Variants in MAPK8 observed in about 807,000 individuals in gnomAD.
MAPK8 encodes the protein JUN N-terminal kinase.
In MAPK8, 13 loss-of-function variants were observed where a neutral mutation model predicts 52.9. The ratio of observed to expected loss-of-function variants is 0.25; its 90% CI spans 0.16 to 0.39. The LOEUF (loss-of-function observed/expected upper bound fraction) is 0.39, where lower values mean the gene tolerates loss of function less well. Among genes scored for constraint, MAPK8 ranks in the 10% least tolerant of loss-of-function variants. MAPK8 has a pLI of 1.00. For missense variants in MAPK8, 300 were observed against 519.2 expected, an observed-to-expected ratio of 0.58 and a Z score of 4.10; for synonymous variants, 191 against 169.8, an observed-to-expected ratio of 1.12 and a Z score of -0.97.
intron 11 of MAPK8, among the ~76,000 whole-genome samples, chr10:48,434,264 G>A (rs887463102): frequency 1.3e-5 from 2 of 152,198 alleles, no homozygotes; most frequent in African/African-American, 4.8e-5. Flanking sequence ...TAGGCCACTT[G>A]AGTGACAGTG....
chr10:48,401,951 G>C (rs187684142), intron 2 of MAPK8, among the ~76,000 whole-genome samples, 169 bp downstream of exon 2: 2 of 152,202 alleles, frequency 1.3e-5, no homozygotes, highest in East Asian at 3.9e-4. Context: ...AGGATCAATG[G>C]TCTTTTCTTT....
chr10:48,397,613 CAG>C (rs1172325078), intron 1 of MAPK8, among the ~76,000 whole-genome samples: 2 of 151,942 alleles, frequency 1.3e-5, no homozygotes, highest in East Asian at 1.9e-4. Flanking sequence ...TTTTTTGAGA[CAG>C]AGTCTCATTC....
At chr10:48,426,972 T>C in intron 9 of MAPK8, 108 bp from the exon 10 acceptor site, 1 of 757,286 alleles carries the variant, frequency 1.3e-6, no homozygotes, top group Non-Finnish European at 2.3e-6. Flanking sequence ...AGTCTTGATC[T>C]AATGATATAT....
At chr10:48,401,268 G>A (rs2042145320) in intron 1 of MAPK8, among the ~76,000 whole-genome samples, 1 of 152,042 alleles carries the variant, frequency 6.6e-6, no homozygotes, top group African/African-American at 2.4e-5. Context: ...GAGAAAGACT[G>A]GTTTTAAATT....
At position 48,317,570 on chromosome 10, in the gene MAPK8, G is replaced by A. The variant is rs149347016; in HGVS notation, c.-50+10749G>A. On this transcript the variant is annotated intron_variant, in intron 1 of 11. Transcript: ENST00000374189. ...CTGAAGTGAACAAAGAAATGGGTTG[G>A]TGGATAAAGGAAATTGTGAGGCTCA... Among the ~76,000 whole-genome samples, 37 of 152,332 alleles carry A rather than the reference G, an allele frequency of 2.4e-4. No individual in the cohort carries two copies. The South Asian group carries it at 5.6e-3, about 23-fold the overall frequency.
chr10:48,371,373 CT>C (rs1848513938), intron 1 of MAPK8, among the ~76,000 whole-genome samples: 1 of 152,084 alleles, frequency 6.6e-6, no homozygotes, highest in Non-Finnish European at 1.5e-5. Context: ...TGTTTTTGTA[CT>C]GAATGCCTTC....
At chr10:48,315,705 A>AT (rs1217267424) in intron 1 of MAPK8, among the ~76,000 whole-genome samples, 1 of 148,988 alleles carries the variant, frequency 6.7e-6, no homozygotes, top group Non-Finnish European at 1.5e-5. Flanking sequence ...AATATTTCAT[A>AT]TATTAAATAA....
intron 1 of MAPK8, among the ~76,000 whole-genome samples, chr10:48,377,645 A>G (rs2040753148): frequency 6.6e-6 from 1 of 152,140 alleles, no homozygotes; most frequent in African/African-American, 2.4e-5. Flanking sequence ...CCACATGGGC[A>G]GTAACTCCCT....
intron 1 of MAPK8, among the ~76,000 whole-genome samples, chr10:48,388,415 A>G (rs891756095): frequency 2.0e-5 from 3 of 152,190 alleles, no homozygotes; most frequent in Non-Finnish European, 4.4e-5. Flanking sequence ...AGGCAAAGGA[A>G]GAGATTTGGT....
intron 1 of MAPK8, among the ~76,000 whole-genome samples, chr10:48,361,350 C>T (rs578241665): frequency 6.6e-6 from 1 of 152,234 alleles, no homozygotes; most frequent in East Asian, 1.9e-4. Flanking sequence ...TTATGACTGC[C>T]TCTGTAATTA....
rs1324004317 is a variant in MAPK8 at position 48,425,009 on chromosome 10, T to C, written c.688+850T>C. Among the ~76,000 whole-genome samples, 4 of 152,258 alleles carry C rather than the reference T, an allele frequency of 2.6e-5. 1 individual carries two copies. Among genetic ancestry groups the C allele is most frequent in the African/African-American group, 9.6e-5 (4 of 41,580 alleles). ...TTGTGTCTTTTGATTGTTGTCTCATTACTCACATAACATACTGACCCTTTC... is the reference window on the plus strand; with the variant it reads ...TTGTGTCTTTTGATTGTTGTCTCATCACTCACATAACATACTGACCCTTTC... On this transcript the variant is annotated intron_variant, in intron 7 of 11. Transcript: ENST00000374189.
chr10:48,353,154 T>A (rs1164845295), intron 1 of MAPK8, among the ~76,000 whole-genome samples: 1 of 152,184 alleles, frequency 6.6e-6, no homozygotes, highest in Non-Finnish European at 1.5e-5. Flanking sequence ...CAGCATGTTA[T>A]AAATGACTAT....
chr10:48,348,206 G>A (rs1410027791), intron 1 of MAPK8, among the ~76,000 whole-genome samples: 4 of 152,174 alleles, frequency 2.6e-5, no homozygotes, highest in Non-Finnish European at 2.9e-5. Flanking sequence ...AGAAGTGTCT[G>A]TTCATATGTT....
In MAPK8 at chr10:48,424,073, G is replaced by A. The variant is rs750821041; in HGVS notation, c.617-15G>A. The A allele has an allele frequency of 6.2e-7, 1 of 1,600,540 alleles. No individual in the cohort carries two copies. The highest frequency in any genetic ancestry group is 1.1e-5 in the South Asian group (1 of 89,178). ...TTTGCTTTGCTTTTCCTTCTTTTGT[G>A]CTGCAAACATATAGTGGATTTATGG... On this transcript the variant is annotated splice_polypyrimidine_tract_variant and intron_variant, in intron 6 of 11. Coordinates refer to ENST00000374189, the MANE Select transcript of MAPK8 (RefSeq NM_001323329.2).
chr10:48,356,123 A>C (rs368142892), intron 1 of MAPK8, among the ~76,000 whole-genome samples: 3 of 152,260 alleles, frequency 2.0e-5, no homozygotes, highest in Admixed American at 1.3e-4. Flanking sequence ...ATCAAAAAGC[A>C]TAAGAGTAAT....
At chr10:48,313,452 A>C (rs1842179342) in intron 1 of MAPK8, among the ~76,000 whole-genome samples, 1 of 152,124 alleles carries the variant, frequency 6.6e-6, no homozygotes, top group Admixed American at 6.5e-5. Flanking sequence ...AACAACAACA[A>C]CAACACCCAG....
chr10:48,402,221 A>G (rs1382645519), intron 2 of MAPK8, among the ~76,000 whole-genome samples: 2 of 152,334 alleles, frequency 1.3e-5, no homozygotes, highest in African/African-American at 4.8e-5. Context: ...ATCTTTAAGT[A>G]TAAACTATGA....
rs139336823 is a variant in MAPK8, at chr10:48,435,636, A to C, written c.*607A>C. 1 of 152,238 alleles carries C rather than the reference A, an allele frequency of 6.6e-6. No individual in the cohort carries two copies. The highest frequency in any genetic ancestry group is 1.5e-5 in the Non-Finnish European group (1 of 68,048). The allele number at this position is 152,238 out of a possible 1,614,324, so 9.4% of individuals were successfully genotyped here. A position where few individuals can be genotyped will look rare whatever the true frequency, so the allele number is the denominator to read the frequency against. The stretch of plus-strand genomic sequence containing the variant: ...ATTTAGTTACAAGAATTGGTAGGCA[A>C]TCCTACTTAATTTTGGCAAAAGCCC... On this transcript the variant is annotated 3_prime_UTR_variant, in exon 12 of 12. Transcript: ENST00000374189.
intron 1 of MAPK8, among the ~76,000 whole-genome samples, chr10:48,374,464 GAA>G (rs1263369216): frequency 6.6e-6 from 1 of 152,010 alleles, no homozygotes. Flanking sequence ...CTGGTTTTTT[GAA>G]AAGATCAACA....
Sources: allele counts gnomAD v4.1 joint callset (sites outside exome capture counted in the v4.1 genomes callset), GRCh38; gene constraint gnomAD v4.1.1; transcripts MANE v1.5; gene names NCBI Gene and HGNC (gene_info 2026-07-23, HGNC 2026-07-21).